Variants in BRAP observed in about 807,000 individuals in gnomAD.
BRAP encodes the protein BRCA1 associated protein.
A neutral mutation model predicts 73.4 loss-of-function variants in BRAP; 42 were observed. The observed-to-expected ratio is 0.57, with a 90% CI of 0.45 to 0.74. The LOEUF is 0.74. Among genes scored for constraint, BRAP ranks in the 30% least tolerant of loss-of-function variants. The pLI is 0.00. For missense variants in BRAP, 593 were observed against 751.4 expected (o/e 0.79, Z 2.46); for synonymous variants, 255 against 267.4 (o/e 0.95, Z 0.45).
intron 6 of BRAP, among the ~76,000 whole-genome samples, chr12:111,663,234 A>T (rs1229370453): frequency 6.6e-6 from 1 of 152,080 alleles, no homozygotes; most frequent in Non-Finnish European, 1.5e-5. Context: ...TGAGTGGATC[A>T]CCTGAGGTCA....
chr12:111,684,320 C>T (rs1255461980), intron 1 of BRAP, among the ~76,000 whole-genome samples: 1 of 152,158 alleles, frequency 6.6e-6, no homozygotes, highest in African/African-American at 2.4e-5. Context: ...TTAGCTGACT[C>T]TCAGAACTCA....
intron 7 of BRAP, among the ~76,000 whole-genome samples, chr12:111,660,078 A>AAAAAAG (rs984767173): frequency 6.6e-6 from 1 of 151,964 alleles, no homozygotes; most frequent in Non-Finnish European, 1.5e-5. Context: ...TGTCTCAAAA[A>AAAAAAG]AAAAAGAAAA....
chr12:111,650,319 G>A (rs548576369), intron 10 of BRAP, among the ~76,000 whole-genome samples: 1 of 152,280 alleles, frequency 6.6e-6, no homozygotes, highest in East Asian at 1.9e-4. Context: ...AGGCTGGAGT[G>A]CAGTGGGATG....
chr12:111,679,503 A>G (rs948819693), intron 3 of BRAP, among the ~76,000 whole-genome samples, 163 bp from the exon 4 acceptor site: 13 of 152,192 alleles, frequency 8.5e-5, no homozygotes, highest in African/African-American at 3.1e-4. Flanking sequence ...TTTAATCTTC[A>G]GTTCAACATT....
rs1886645100 is a variant in BRAP, at chr12:111,659,153, A to G, written c.1111+54T>C. The G allele has an allele frequency of 4.4e-6, 7 of 1,575,554 alleles. No individual in the cohort carries two copies. The East Asian group carries it at 1.6e-4, about 36-fold the overall frequency. ...GGGAGGGAAAGTGAAGGCGTTGTGAAGGCAAAGTTTCCACACAGAATGAGT... is the reference window on the plus strand; with the variant it reads ...GGGAGGGAAAGTGAAGGCGTTGTGAGGGCAAAGTTTCCACACAGAATGAGT... On this transcript the variant is annotated intron_variant, in intron 8 of 11. Transcript: ENST00000419234.
intron 11 of BRAP, among the ~76,000 whole-genome samples, chr12:111,645,748 G>T (rs993545709): frequency 8.6e-5 from 13 of 151,936 alleles, no homozygotes; most frequent in African/African-American, 3.1e-4. Flanking sequence ...AGGCTGAGGC[G>T]AGAGGATCGC....
Position 111,665,957 on chromosome 12 carries a change from C to G in BRAP, c.748-170G>C, listed in dbSNP as rs934543697. On this transcript the variant is annotated intron_variant, in intron 5 of 11. Transcript: ENST00000419234. This position sits in a 1 kb window ranked among gnomAD's most constrained non-coding sequence, Gnocchi z 4.3. ...TCCCAGGCTCAAGAGATCTGCCCAC[C>G]TCAGGCTCCCCAGTAGCTGGGACTA... Among the ~76,000 whole-genome samples the G allele has an allele frequency of 5.3e-5, 8 of 152,250 alleles. No homozygotes were observed. The highest frequency in any genetic ancestry group is 1.9e-4 in the African/African-American group (8 of 41,474).
chr12:111,673,784 G>A (rs138833058), intron 4 of BRAP, among the ~76,000 whole-genome samples: 4 of 152,290 alleles, frequency 2.6e-5, no homozygotes, highest in Non-Finnish European at 5.9e-5. Context: ...ATTTGCTAGC[G>A]TTAGAAAATG....
rs571529312 is a variant in BRAP at position 111,669,169 on chromosome 12, T to C, written c.748-3382A>G. Among the ~76,000 whole-genome samples the C allele has an allele frequency of 1.5e-4, 23 of 152,122 alleles. No individual in the cohort carries two copies. In the South Asian group the frequency reaches 4.8e-3, roughly 32 times the overall value. ...CTGGGAGCCAGACAAGTTTAGGTAA[T>C]AAGGGAGTTAAGAGAGTAACTGCTT... On this transcript the variant is annotated intron_variant, in intron 5 of 11. Transcript: ENST00000419234.
At chr12:111,659,568 C>T (rs1413551965) in intron 7 of BRAP, among the ~76,000 whole-genome samples, 1 of 152,172 alleles carries the variant, frequency 6.6e-6, no homozygotes, top group African/African-American at 2.4e-5. Context: ...GCAAGAGAAT[C>T]GCTTGAACCC....
intron 9 of BRAP, 111 bp downstream of exon 9, chr12:111,658,625 T>A: frequency 3.5e-6 from 3 of 858,844 alleles, no homozygotes; most frequent in Non-Finnish European, 3.5e-6. Context: ...CGCCCGGCCA[T>A]GACCAAACTT....
intron 10 of BRAP, among the ~76,000 whole-genome samples, chr12:111,651,412 C>G (rs1886318183): frequency 6.6e-6 from 1 of 151,590 alleles, no homozygotes; most frequent in Non-Finnish European, 1.5e-5. Context: ...GTGGCAGGCG[C>G]CTGTAATCCC....
At chr12:111,662,332 C>A (rs1343589047) in intron 6 of BRAP, among the ~76,000 whole-genome samples, 2 of 152,028 alleles carry the variant, frequency 1.3e-5, no homozygotes, top group Non-Finnish European at 2.9e-5. Flanking sequence ...GGGCGGATTA[C>A]CTAAGGTCGG....
chr12:111,661,609 T>G (rs1395864102), intron 6 of BRAP, among the ~76,000 whole-genome samples: 2 of 151,822 alleles, frequency 1.3e-5, no homozygotes, highest in African/African-American at 4.8e-5. Flanking sequence ...ACAAACAACC[T>G]GCCTTATCCC....
chr12:111,681,505 C>A (rs1370104841), intron 3 of BRAP, 132 bp downstream of exon 3: 1 of 694,058 alleles, frequency 1.4e-6, no homozygotes. Context: ...CTCTAACATA[C>A]AACAGACAAA....
chr12:111,684,120 T>C (rs1264304469), intron 1 of BRAP, among the ~76,000 whole-genome samples: 1 of 152,142 alleles, frequency 6.6e-6, no homozygotes, highest in Non-Finnish European at 1.5e-5. Flanking sequence ...GAAACGGAAT[T>C]TGGAGACTTA....
intron 7 of BRAP, among the ~76,000 whole-genome samples, chr12:111,660,365 T>G (rs1389531968): frequency 2.6e-5 from 4 of 151,884 alleles, no homozygotes; most frequent in African/African-American, 9.7e-5. Context: ...TTTAAAGAAT[T>G]TAGGCTGGGT....
At chr12:111,681,021 A>G (rs991355840) in intron 3 of BRAP, among the ~76,000 whole-genome samples, 2 of 152,220 alleles carry the variant, frequency 1.3e-5, no homozygotes, top group African/African-American at 4.8e-5. Context: ...GATGCTGTGG[A>G]TCATTTTCTT....
rs1887670986 is a variant in BRAP, at chr12:111,683,229, C to G, written c.161G>C (p.Gly54Ala). ...AVACLEGKSP[G>A]EKVAIIHQHL... The stretch of plus-strand genomic sequence containing the variant: ...CTGATGGATAATCGCTACTTTCTCT[C>G]CTGGTGACTTGCCTTCTAAACAGGC... Residue 54 changes from glycine (G) to alanine (A), a missense_variant, in exon 2 of 12, where the codon GGA becomes GCA. Around this residue, in one of 4 missense-constraint regions of BRAP, gnomAD observed 304 missense variants for 337.7 expected, o/e 0.90. Transcript: ENST00000419234. The G allele has an allele frequency of 1.2e-6, 2 of 1,614,184 alleles. No homozygotes were observed. The highest frequency in any genetic ancestry group is 1.3e-5 in the African/African-American group (1 of 75,052).
Sources: gnomAD v4.1 joint callset for allele counts (sites outside exome capture counted in the v4.1 genomes callset) on GRCh38, gnomAD v4.1.1 for gene constraint, gnomAD v4.1.1 regional missense constraint, Gnocchi (gnomAD v3.1) non-coding constraint, MANE v1.5 for transcripts, NCBI Gene and HGNC (gene_info 2026-07-23, HGNC 2026-07-21) for gene names.